The following RBFOX3 variants were observed in gnomAD, a reference collection of about 807,000 sequenced individuals.
RBFOX3 encodes the protein RNA binding fox-1 homolog 3.
A neutral mutation model predicts 48.7 loss-of-function variants in RBFOX3; 17 were observed. The observed-to-expected ratio is 0.35, with a 90% CI of 0.24 to 0.52. The LOEUF (loss-of-function observed/expected upper bound fraction) is 0.52. Among genes scored for constraint, RBFOX3 ranks in the 20% least tolerant of loss-of-function variants. The pLI is 0.94. For synonymous variants in RBFOX3, 212 were observed against 209.5 expected (o/e 1.01, Z -0.10); for missense variants, 382 against 497.5 (o/e 0.77, Z 2.21).
chr17:79,644,147 A>G, the RBFOX3 span, among the ~76,000 whole-genome samples: 1 of 152,184 alleles, frequency 6.6e-6, no homozygotes, highest in Non-Finnish European at 1.5e-5. Context: ...CAAAATTGAC[A>G]CAAGATGAAA....
chr17:79,518,843 G>T (rs1448775557), intron 1 of RBFOX3, among the ~76,000 whole-genome samples: 1 of 152,276 alleles, frequency 6.6e-6, no homozygotes, highest in Non-Finnish European at 1.5e-5. Flanking sequence ...GCTCGCTCCA[G>T]CTTTCCTGCT....
rs1321490252 is a variant in RBFOX3 at position 79,212,850 on chromosome 17, A to G, written c.-34+22916T>C. Reference sequence around the variant, plus strand: ...ACAACTTCCTGGGGCCTGGAAACAGATGTCACCTCAGCTACAGTGTTTGAG... The same window carrying G: ...ACAACTTCCTGGGGCCTGGAAACAGGTGTCACCTCAGCTACAGTGTTTGAG... On this transcript the variant is annotated intron_variant, in intron 4 of 14. Transcript: ENST00000693108. This position sits in a 1 kb window ranked among gnomAD's most constrained non-coding sequence, Gnocchi z 4.7. Among the ~76,000 whole-genome samples, 1 of 152,056 alleles carries G rather than the reference A, an allele frequency of 6.6e-6. No homozygotes were observed.
chr17:79,191,001 A>C (rs1028432596), intron 4 of RBFOX3, among the ~76,000 whole-genome samples: 2 of 152,128 alleles, frequency 1.3e-5, no homozygotes, highest in African/African-American at 4.8e-5. Context: ...GTTAGAATTG[A>C]ACTGAGGAAA....
Position 79,390,218 on chromosome 17 carries a change from G to A in RBFOX3, c.-174-82394C>T, listed in dbSNP as rs988621993. Among the ~76,000 whole-genome samples, 8 of 152,362 alleles carry A rather than the reference G, an allele frequency of 5.3e-5. No individual in the cohort carries two copies. Among genetic ancestry groups the A allele is most frequent in the Non-Finnish European group, 8.8e-5 (6 of 68,036 alleles). ...TCCGGGACGCTGCACTGACTTTCAA[G>A]TGCCCAGAGGTCCTCCTAGAATAAC... On this transcript the variant is annotated intron_variant, in intron 2 of 14. Transcript: ENST00000693108. The surrounding 1 kb of genome is among the most constrained non-coding windows in gnomAD (Gnocchi z 4.2).
intron 1 of RBFOX3, among the ~76,000 whole-genome samples, chr17:79,568,524 T>C (rs1433858801): frequency 6.6e-6 from 1 of 152,164 alleles, no homozygotes; most frequent in Non-Finnish European, 1.5e-5. Flanking sequence ...ATAAGGGATA[T>C]GCAACTGGTA....
At chr17:79,133,911 G>A (rs1283719266) in intron 4 of RBFOX3, among the ~76,000 whole-genome samples, 2 of 152,220 alleles carry the variant, frequency 1.3e-5, no homozygotes, top group Non-Finnish European at 2.9e-5. Context: ...CAGGGTTCCA[G>A]GGCCGCTTGC....
chr17:79,276,181 T>C (rs2068773418), intron 3 of RBFOX3, among the ~76,000 whole-genome samples: 1 of 152,146 alleles, frequency 6.6e-6, no homozygotes, highest in Non-Finnish European at 1.5e-5. Flanking sequence ...CATCCAGGGA[T>C]GGAGAGCAGA....
intron 1 of RBFOX3, among the ~76,000 whole-genome samples, chr17:79,492,557 A>G (rs2080845081): frequency 6.6e-6 from 1 of 152,208 alleles, no homozygotes; most frequent in Non-Finnish European, 1.5e-5. Context: ...GCCCCAGTTG[A>G]GCCTTCCCAT....
At chr17:79,628,797 T>TC in the RBFOX3 span, among the ~76,000 whole-genome samples, 1 of 152,026 alleles carries the variant, frequency 6.6e-6, no homozygotes, top group African/African-American at 2.4e-5. Flanking sequence ...TATTTGATGA[T>TC]AAATAGACAA....
chr17:79,294,059 G>T (rs1008653370), intron 3 of RBFOX3, among the ~76,000 whole-genome samples: 1 of 152,186 alleles, frequency 6.6e-6, no homozygotes, highest in Non-Finnish European at 1.5e-5. Context: ...TACAGAGCAG[G>T]TGCAGATTCA....
At chr17:79,206,568 C>T (rs1002854054) in intron 4 of RBFOX3, among the ~76,000 whole-genome samples, 3 of 152,102 alleles carry the variant, frequency 2.0e-5, no homozygotes, top group Admixed American at 2.0e-4. Context: ...CTGTGTCCAC[C>T]TTGTCTCCTC....
At chr17:79,334,873 C>G (rs79446040) in intron 2 of RBFOX3, among the ~76,000 whole-genome samples, 7 of 152,246 alleles carry the variant, frequency 4.6e-5, no homozygotes, top group African/African-American at 1.4e-4. Context: ...TGTCTCACCC[C>G]CCAACCAGCC....
At chr17:79,545,936 C>A (rs1288309036) in intron 1 of RBFOX3, among the ~76,000 whole-genome samples, 1 of 152,180 alleles carries the variant, frequency 6.6e-6, no homozygotes, top group Non-Finnish European at 1.5e-5. Context: ...ATTGGAAAGA[C>A]TGTGTGTGTG....
At chr17:79,211,618 G>T (rs945086965) in intron 4 of RBFOX3, among the ~76,000 whole-genome samples, 1 of 152,118 alleles carries the variant, frequency 6.6e-6, no homozygotes, top group Non-Finnish European at 1.5e-5. Context: ...TCCTTCCCAC[G>T]CTCAGACTCC....
chr17:79,295,775 G>T (rs145488261), intron 3 of RBFOX3, among the ~76,000 whole-genome samples: 1 of 152,258 alleles, frequency 6.6e-6, no homozygotes, highest in Non-Finnish European at 1.5e-5. Flanking sequence ...CTTGAGGGTG[G>T]GATCTAGTAC....
intron 1 of RBFOX3, among the ~76,000 whole-genome samples, chr17:79,573,274 C>A (rs1326884171): frequency 6.6e-6 from 1 of 152,180 alleles, no homozygotes; most frequent in Non-Finnish European, 1.5e-5. Flanking sequence ...AAGACCAAGG[C>A]CACGGGGAAC....
At chr17:79,378,968 G>A (rs960631590) in intron 2 of RBFOX3, among the ~76,000 whole-genome samples, 1 of 152,136 alleles carries the variant, frequency 6.6e-6, no homozygotes, top group Non-Finnish European at 1.5e-5. Context: ...CACAAGCTTC[G>A]GAAAGCGGGT....
At chr17:79,402,005 G>T (rs542232243) in intron 2 of RBFOX3, among the ~76,000 whole-genome samples, 2 of 152,378 alleles carry the variant, frequency 1.3e-5, no homozygotes, top group South Asian at 4.1e-4. Context: ...TACCTGCAGA[G>T]CAGCCACCTG....
intron 5 of RBFOX3, among the ~76,000 whole-genome samples, chr17:79,114,464 G>T (rs917788125): frequency 3.3e-5 from 5 of 152,336 alleles, no homozygotes; most frequent in African/African-American, 7.2e-5. Context: ...AGGTGGCTGG[G>T]TGGGCTCTCT....
Sources: gnomAD v4.1 joint callset for allele counts (sites outside exome capture counted in the v4.1 genomes callset) on GRCh38, gnomAD v4.1.1 for gene constraint, Gnocchi (gnomAD v3.1) non-coding constraint, MANE v1.5 for transcripts, NCBI Gene and HGNC (gene_info 2026-07-23, HGNC 2026-07-21) for gene names.